MROH9: variants seen among roughly 807,000 people sequenced by gnomAD.
The protein encoded by MROH9 is maestro heat-like repeat-containing protein family member 9.
A neutral mutation model predicts 98.2 loss-of-function variants in MROH9; 92 were observed. That is an observed-to-expected ratio of 0.94 (90% confidence interval 0.79 to 1.11). The LOEUF (loss-of-function observed/expected upper bound fraction) is 1.11, where lower values mean the gene tolerates loss of function less well. Among genes scored for constraint, MROH9 ranks in the 50% most tolerant of loss-of-function variants. The pLI, the probability that MROH9 is intolerant of heterozygous loss-of-function variation, is 0.00. For missense variants in MROH9, 1,057 were observed against 1,014.8 expected, an observed-to-expected ratio of 1.04 and a Z score of -0.57; for synonymous variants, 397 against 368.9, an observed-to-expected ratio of 1.08 and a Z score of -0.87.
intron 8 of MROH9, among the ~76,000 whole-genome samples, chr1:170,974,216 C>A (rs768388389): frequency 1.3e-5 from 2 of 152,042 alleles, no homozygotes; most frequent in Non-Finnish European, 2.9e-5. Flanking sequence ...TTATTTGAGT[C>A]TCTGAAAGTG....
intron 7 of MROH9, among the ~76,000 whole-genome samples, chr1:170,966,371 A>G (rs59143642): frequency 0.015 from 2,264 of 152,124 alleles, 75 homozygotes; most frequent in African/African-American, 0.053. Context: ...CCTTTTGTGG[A>G]TACTGTATAT....
intron 15 of MROH9, among the ~76,000 whole-genome samples, chr1:170,999,414 G>A (rs1214196063): frequency 6.6e-6 from 1 of 152,052 alleles, no homozygotes; most frequent in Non-Finnish European, 1.5e-5. Context: ...AACATACCAT[G>A]TTTGGTTTTC....
At chr1:170,962,115 G>A in intron 6 of MROH9, 139 bp downstream of exon 6, 3 of 541,180 alleles carry the variant, frequency 5.5e-6, no homozygotes, top group Admixed American at 4.3e-5. Context: ...ACAGAAGAGT[G>A]AAATGTAGTC....
At chr1:170,986,785 C>T (rs1313374157) in intron 10 of MROH9, 75 bp downstream of exon 10, 18 of 1,427,340 alleles carry the variant, frequency 1.3e-5, no homozygotes, top group Non-Finnish European at 1.5e-5. Flanking sequence ...GTTGTATGTC[C>T]ACTTCTTTTT....
In MROH9 at chr1:170,970,749, AGAG is replaced by A. The variant is rs1372514684; in HGVS notation, c.481-998_481-996del. 8.4e-4 allele frequency among the ~76,000 whole-genome samples: 119 copies of A among 142,492 alleles called. 3 individuals carry two copies. The highest frequency in any genetic ancestry group is 3.9e-3 in the Middle Eastern group (1 of 254). 93.5% of individuals were successfully genotyped at this position (142,492 alleles called of 152,430 possible). Reference sequence around the variant, plus strand: ...GTGTGTGTGAGAGAGAGAGAGAGAGAGAGAGAGAGAGAGAGAGAGACAGAGTGG... The same window carrying A: ...GTGTGTGTGAGAGAGAGAGAGAGAGAAGAGAGAGAGAGAGAGACAGAGTGG... On this transcript the variant is annotated intron_variant, in intron 7 of 21. Coordinates refer to ENST00000367759, the MANE Select transcript of MROH9 (RefSeq NM_001163629.2).
At chr1:170,975,528 C>A (rs918150320) in intron 8 of MROH9, among the ~76,000 whole-genome samples, 1 of 152,060 alleles carries the variant, frequency 6.6e-6, no homozygotes, top group Non-Finnish European at 1.5e-5. Context: ...CCCATTAGGT[C>A]CTTTCTCATC....
intron 20 of MROH9, among the ~76,000 whole-genome samples, chr1:171,047,291 G>A (rs1410160707): frequency 6.6e-6 from 1 of 151,900 alleles, no homozygotes; most frequent in Non-Finnish European, 1.5e-5. Context: ...CCTCTTTAAG[G>A]CCAGTGACTC....
At chr1:171,031,537 A>T (rs1652914256) in intron 20 of MROH9, among the ~76,000 whole-genome samples, 1 of 152,154 alleles carries the variant, frequency 6.6e-6, no homozygotes, top group Admixed American at 6.5e-5. Context: ...TTGCTTATGA[A>T]GCTTAATTTG....
chr1:170,944,527 G>A (rs961713148), intron 1 of MROH9, among the ~76,000 whole-genome samples: 1 of 151,878 alleles, frequency 6.6e-6, no homozygotes, highest in Non-Finnish European at 1.5e-5. Flanking sequence ...TTACATACTC[G>A]AGGTACTTAT....
In MROH9 at chr1:171,025,452, T is replaced by C. The variant is rs912546779; in HGVS notation, c.2281+32T>C. On this transcript the variant is annotated intron_variant, in intron 20 of 21. Coordinates refer to ENST00000367759, the MANE Select transcript of MROH9 (RefSeq NM_001163629.2). Reference sequence around the variant, plus strand: ...ATAATTCAGTTCTCAATTCCTAACTTGTCTTAAATGGTATAGAATGGAGAA... The same window carrying C: ...ATAATTCAGTTCTCAATTCCTAACTCGTCTTAAATGGTATAGAATGGAGAA... The C allele has an allele frequency of 3.0e-5, 40 of 1,349,194 alleles. 1 individual carries two copies. The Admixed American group carries it at 7.9e-4, about 26-fold the overall frequency. 83.6% of individuals were successfully genotyped at this position (1,349,194 alleles called of 1,614,324 possible). A position where few individuals can be genotyped will look rare whatever the true frequency, so the allele number is the denominator to read the frequency against.
intron 11 of MROH9, 97 bp downstream of exon 11, chr1:170,990,100 G>A: frequency 1.6e-6 from 2 of 1,273,706 alleles, no homozygotes; most frequent in Non-Finnish European, 1.1e-6. Flanking sequence ...ACCATAGTCA[G>A]GCCTGGTTTC....
chr1:171,010,381 G>C (rs1652108915), intron 15 of MROH9, among the ~76,000 whole-genome samples: 1 of 152,138 alleles, frequency 6.6e-6, no homozygotes, highest in Non-Finnish European at 1.5e-5. Context: ...ATTGTGAATA[G>C]TGCTAGAATA....
At chr1:170,970,244 C>T (rs942227768) in intron 7 of MROH9, among the ~76,000 whole-genome samples, 2 of 152,106 alleles carry the variant, frequency 1.3e-5, no homozygotes, top group Non-Finnish European at 2.9e-5. Flanking sequence ...ACTGTAAGGC[C>T]AATCCCCTGT....
At chr1:170,990,199 A>G (rs1480844118) in intron 11 of MROH9, among the ~76,000 whole-genome samples, 196 bp downstream of exon 11, 1 of 152,208 alleles carries the variant, frequency 6.6e-6, no homozygotes, top group Non-Finnish European at 1.5e-5. Flanking sequence ...ATATCTTTGT[A>G]TAATACCTAA....
At position 171,024,630 on chromosome 1, in the gene MROH9, G is replaced by A. The variant is rs1557902885; in HGVS notation, c.2062-19G>A. 2 of 1,539,538 alleles carry A rather than the reference G, an allele frequency of 1.3e-6. No individual in the cohort carries two copies. The highest frequency in any genetic ancestry group is 1.8e-6 in the Non-Finnish European group (2 of 1,139,118). On this transcript the variant is annotated intron_variant, in intron 18 of 21. Transcript: ENST00000367759. ...ACAACAGATGAATAGATCTTCACCG[G>A]CCTTTTTCTGTCTCACAGGCATGTA... is the stretch of plus-strand genomic sequence containing the variant.
chr1:171,055,844 G>A (rs911314223), intron 20 of MROH9, among the ~76,000 whole-genome samples: 1 of 152,164 alleles, frequency 6.6e-6, no homozygotes, highest in Non-Finnish European at 1.5e-5. Context: ...GGCAGCTGGT[G>A]TGATCCATGG....
intron 2 of MROH9, among the ~76,000 whole-genome samples, chr1:170,946,446 C>G (rs1425570366): frequency 6.6e-6 from 1 of 151,906 alleles, no homozygotes; most frequent in East Asian, 1.9e-4. Context: ...GAATCCTGGA[C>G]TGGATCCCAG....
intron 1 of MROH9, 34 bp from the exon 2 acceptor site, chr1:170,945,485 CT>C (rs1393754708): frequency 1.3e-6 from 2 of 1,505,436 alleles, no homozygotes; most frequent in Non-Finnish European, 9.2e-7. Context: ...AGGAAAGTTT[CT>C]GGTTTATGTA....
chr1:170,959,375 A>AAACTAAATAAAT, intron 4 of MROH9, 87 bp from the exon 5 acceptor site: 1 of 1,209,292 alleles, frequency 8.3e-7, no homozygotes, highest in Non-Finnish European at 1.1e-6. Flanking sequence ...ACTCTGTCTC[A>AAACTAAATAAAT]AAATAAATAA....
Sources: gnomAD v4.1 joint callset for allele counts (sites outside exome capture counted in the v4.1 genomes callset) on GRCh38, gnomAD v4.1.1 for gene constraint, MANE v1.5 for transcripts, NCBI Gene and HGNC (gene_info 2026-07-23, HGNC 2026-07-21) for gene names.